ZNF730: variants seen among roughly 807,000 people sequenced by gnomAD.
The protein encoded by ZNF730 is zinc finger protein 730, also known as putative zinc finger protein 730.
Under a neutral mutation model 12.6 loss-of-function variants are expected in ZNF730, and 12 were observed. That is an observed-to-expected ratio of 0.95 (90% CI 0.61 to 1.54). The LOEUF (loss-of-function observed/expected upper bound fraction) is 1.54, where lower values mean the gene tolerates loss of function less well. ZNF730 is among the 40% of genes most tolerant of loss of function. The pLI, the probability that ZNF730 is intolerant of heterozygous loss-of-function variation, is 0.00. For missense variants in ZNF730, 643 were observed against 583.5 expected, an observed-to-expected ratio of 1.10 and a Z score of -1.05; for synonymous variants, 194 against 195.8, an observed-to-expected ratio of 0.99 and a Z score of 0.08.
rs534752964 is a variant in ZNF730 at position 23,145,746 on chromosome 19, C to T, written c.702C>T (p.Gly234=). ...AACCTTACAAATGTAAAGAATGTGGCAAAGCCTTTAACTGGTTTTCACATT... is the reference window on the plus strand; with the variant it reads ...AACCTTACAAATGTAAAGAATGTGGTAAAGCCTTTAACTGGTTTTCACATT... The part of the protein sequence containing the change: ...EKKPYKCKEC[G]KAFNWFSHFT... The change falls in exon 4 of 4, where the codon GGC becomes GGT. Residue 234 remains glycine (G), a synonymous_variant. Transcript: ENST00000597761. 5.6e-5 allele frequency: 88 copies of T among 1,563,450 alleles called. No homozygotes were observed. The highest frequency in any genetic ancestry group is 7.6e-5 in the Non-Finnish European group (88 of 1,155,824).
At chr19:23,136,418 T>A (rs1019240396) in intron 3 of ZNF730, among the ~76,000 whole-genome samples, 4 of 152,104 alleles carry the variant, frequency 2.6e-5, no homozygotes, top group East Asian at 3.8e-4. Context: ...TTATTTATTT[T>A]TTTTGAGACG....
chr19:23,107,310 C>T (rs1264657475), intron 1 of ZNF730, among the ~76,000 whole-genome samples: 2 of 151,520 alleles, frequency 1.3e-5, no homozygotes. Context: ...CCACCTTGAC[C>T]TTCCAAAGTG....
intron 2 of ZNF730, among the ~76,000 whole-genome samples, chr19:23,135,478 A>G (rs757173785): frequency 7.6e-4 from 115 of 151,810 alleles, no homozygotes; most frequent in Non-Finnish European, 1.2e-3. Flanking sequence ...TAAAATTAAA[A>G]TATTTTTAAA....
chr19:23,115,451 ATC>A (rs1290617685), upstream of ZNF730, among the ~76,000 whole-genome samples: 1 of 152,188 alleles, frequency 6.6e-6, no homozygotes, highest in African/African-American at 2.4e-5. Context: ...GAGATATGGA[ATC>A]TGTTTTCCAG....
chr19:23,089,793 C>T (rs1970125696), intron 1 of ZNF730, among the ~76,000 whole-genome samples: 1 of 151,990 alleles, frequency 6.6e-6, no homozygotes, highest in African/African-American at 2.4e-5. Context: ...AAAAAAATAA[C>T]CGAAAATGTG....
chr19:23,127,813 A>G lies in ZNF730; in HGVS notation c.4-6267A>G, dbSNP rs1490219735. On this transcript the variant is annotated intron_variant, in intron 1 of 3. Transcript: ENST00000597761. Reference sequence around the variant, plus strand: ...TCCATCCTGGCTGCTCCACAGGATGATAGTTTGTGTAACAAACAAATATTG... The same window carrying G: ...TCCATCCTGGCTGCTCCACAGGATGGTAGTTTGTGTAACAAACAAATATTG... 3 of 699,124 alleles carry G rather than the reference A, an allele frequency of 4.3e-6. No homozygotes were observed. The East Asian group carries it at 7.6e-5, about 18-fold the overall frequency. 43.3% of individuals were successfully genotyped at this position (699,124 alleles called of 1,614,324 possible).
At chr19:23,118,974 A>G (rs890708269) in intron 1 of ZNF730, among the ~76,000 whole-genome samples, 2 of 152,232 alleles carry the variant, frequency 1.3e-5, no homozygotes, top group East Asian at 3.8e-4. Context: ...TATAAAAAGA[A>G]AAAGAATCAT....
At chr19:23,101,971 G>A (rs1970340580) in intron 1 of ZNF730, among the ~76,000 whole-genome samples, 1 of 152,150 alleles carries the variant, frequency 6.6e-6, no homozygotes, top group Non-Finnish European at 1.5e-5. Flanking sequence ...CAGGTTATGT[G>A]ACTACTTTTT....
At chr19:23,139,216 A>G (rs1220100235) in intron 3 of ZNF730, among the ~76,000 whole-genome samples, 1 of 152,106 alleles carries the variant, frequency 6.6e-6, no homozygotes, top group Non-Finnish European at 1.5e-5. Flanking sequence ...GATCCTAACT[A>G]TATTCTGCAA....
intron 1 of ZNF730, among the ~76,000 whole-genome samples, chr19:23,100,876 G>A (rs1364028358): frequency 3.9e-5 from 6 of 151,910 alleles, no homozygotes; most frequent in Non-Finnish European, 7.4e-5. Flanking sequence ...GGCTGGTCTC[G>A]AAGTCCTGAC....
rs541473162 is a variant in ZNF730, at chr19:23,146,070, T to G, written c.1026T>G (p.Cys342Trp). Residue 342 changes from cysteine (C) to tryptophan (W), a missense_variant, in exon 4 of 4, where the codon TGT becomes TGG. Transcript: ENST00000597761. ...RIHNGEKPYK[C>W]EECGKAFNRS... ...ATAATGGAGAAAAACCCTACAAATG[T>G]GAAGAATGTGGCAAAGCTTTTAACC... The G allele has an allele frequency of 2.5e-6, 4 of 1,612,388 alleles. No individual in the cohort carries two copies. The highest frequency in any genetic ancestry group is 3.4e-6 in the Non-Finnish European group (4 of 1,179,576).
intron 1 of ZNF730, among the ~76,000 whole-genome samples, chr19:23,120,302 G>A (rs187234364): frequency 6.6e-6 from 1 of 152,130 alleles, no homozygotes; most frequent in East Asian, 1.9e-4. Flanking sequence ...GCTGGTCCTG[G>A]GCTTTCTTTT....
chr19:23,127,376 G>C, intron 1 of ZNF730: 1 of 771,324 alleles, frequency 1.3e-6, no homozygotes, highest in Non-Finnish European at 2.3e-6. Flanking sequence ...CATCACAACT[G>C]TGTTCTTGGA....
chr19:23,132,175 C>A (rs781262151), intron 1 of ZNF730, among the ~76,000 whole-genome samples: 1 of 151,622 alleles, frequency 6.6e-6, no homozygotes, highest in South Asian at 2.1e-4. Flanking sequence ...TGTATTGGTC[C>A]TTCTACCTAT....
intron 1 of ZNF730, among the ~76,000 whole-genome samples, chr19:23,109,045 C>T (rs1211158343): frequency 1.3e-5 from 2 of 152,052 alleles, no homozygotes; most frequent in African/African-American, 4.8e-5. Flanking sequence ...AGCCACAGCA[C>T]CCAGCCAAAA....
At chr19:23,116,573 C>CTTTTTTTTT (rs5827552), upstream of ZNF730, among the ~76,000 whole-genome samples, 100 of 86,870 alleles carry the variant, frequency 1.2e-3, no homozygotes, top group Non-Finnish European at 1.2e-3. Flanking sequence ...CTCCCAGCTA[C>CTTTTTTTTT]TTTTTTTTTT....
Position 23,146,687 on chromosome 19 carries a change from C to G in ZNF730, c.*131C>G, listed in dbSNP as rs1296615747. The G allele has an allele frequency of 6.8e-7, 1 of 1,480,446 alleles. No individual in the cohort carries two copies. Among genetic ancestry groups the G allele is most frequent in the East Asian group, 2.3e-5 (1 of 44,126 alleles). 91.7% of individuals were successfully genotyped at this position (1,480,446 alleles called of 1,614,324 possible). A position where few individuals can be genotyped will look rare whatever the true frequency, so the allele number is the denominator to read the frequency against. ...GCTTTTAACCAGTCCTCAAATCTTA[C>G]TAAACATAAGGTAATTCATACTGGA... On this transcript the variant is annotated 3_prime_UTR_variant, in exon 4 of 4. Coordinates refer to ENST00000597761, the MANE Select transcript of ZNF730 (RefSeq NM_001277403.2).
rs542318608 is a variant in ZNF730 at position 23,090,207 on chromosome 19, C to T, written c.-94+14820C>T. 1.1e-4 allele frequency among the ~76,000 whole-genome samples: 16 copies of T among 151,614 alleles called. No homozygotes were observed. In the East Asian group the frequency reaches 2.1e-3, roughly 20 times the overall value. ...GTTGCTGTGAGCCAAGATTGTACCA[C>T]TGTACTCTAGCCTGGCAACAAAATG... On this transcript the variant is annotated intron_variant, in intron 1 of 2. Coordinates refer to the ZNF730 transcript ENST00000593635.
chr19:23,111,864 T>C (rs1970464509), intron 1 of ZNF730, among the ~76,000 whole-genome samples: 1 of 152,248 alleles, frequency 6.6e-6, no homozygotes, highest in Non-Finnish European at 1.5e-5. Context: ...AAAAAATATG[T>C]TGGCCATTTA....
Sources: gnomAD v4.1 joint callset for allele counts (sites outside exome capture counted in the v4.1 genomes callset) on GRCh38, gnomAD v4.1.1 for gene constraint, MANE v1.5 for transcripts, NCBI Gene and HGNC (gene_info 2026-07-23, HGNC 2026-07-21) for gene names.